The following DCC variants were observed in gnomAD, a reference collection of about 807,000 sequenced individuals.
DCC encodes the protein DCC netrin 1 receptor.
A neutral mutation model predicts 172.5 loss-of-function variants in DCC; 58 were observed. That is an observed-to-expected ratio of 0.34 (90% confidence interval 0.27 to 0.42). The LOEUF is 0.42. Ranked by LOEUF, DCC falls within the 10% of genes least tolerant of loss-of-function variation. The pLI is 1.00. For missense variants in DCC, 1,740 were observed against 1,791.0 expected (o/e 0.97, Z 0.51); for synonymous variants, 709 against 644.5 (o/e 1.10, Z -1.52).
At chr18:53,465,080 G>A (rs767123579) in intron 24 of DCC, among the ~76,000 whole-genome samples, 2 of 151,666 alleles carry the variant, frequency 1.3e-5, no homozygotes, top group Non-Finnish European at 2.9e-5. Flanking sequence ...ACATTAGATA[G>A]TGTTTTAATG....
At position 53,410,455 on chromosome 18, in the gene DCC, A is replaced by G; in HGVS notation, c.2939A>G (p.Tyr980Cys). 6.3e-7 allele frequency: 1 copy of G among 1,598,602 alleles called. No homozygotes were observed. The highest frequency in any genetic ancestry group is 8.6e-7 in the Non-Finnish European group (1 of 1,165,892). Residue 980 changes from tyrosine (Y) to cysteine (C), a missense_variant, in exon 20 of 29, where the codon TAC becomes TGC. This residue lies in a region of DCC where 1,732 missense variants were observed against 1,767.4 expected (regional missense o/e 0.98). Coordinates refer to ENST00000442544, the MANE Select transcript of DCC (RefSeq NM_005215.4). ...TCACATTTGTCTATTTATGCAGCTTACATCTTATTTTATACCTTGGACAAG... is the reference window on the plus strand; with the variant it reads ...TCACATTTGTCTATTTATGCAGCTTGCATCTTATTTTATACCTTGGACAAG... ...PLEANGKITA[Y>C]ILFYTLDKNI...
intron 2 of DCC, among the ~76,000 whole-genome samples, chr18:52,770,752 AG>A (rs2037327824): frequency 6.6e-6 from 1 of 152,228 alleles, no homozygotes; most frequent in African/African-American, 2.4e-5. Context: ...ATCAGTGTAC[AG>A]GGAAAACCTA....
intron 1 of DCC, among the ~76,000 whole-genome samples, chr18:52,401,307 C>G (rs971654173): frequency 2.6e-5 from 4 of 151,900 alleles, no homozygotes; most frequent in African/African-American, 9.7e-5. Flanking sequence ...TAGAACATAG[C>G]AGAATAACTT....
intron 1 of DCC, among the ~76,000 whole-genome samples, chr18:52,593,214 A>G (rs954111041): frequency 1.3e-5 from 2 of 152,066 alleles, no homozygotes; most frequent in African/African-American, 4.8e-5. Flanking sequence ...TCTCTGAACC[A>G]TTTTCCAACT....
At position 53,532,172 on chromosome 18, in the gene DCC, G is replaced by C. The variant is rs1323229594; in HGVS notation, c.*1519G>C. 6.6e-6 allele frequency: 1 copy of C among 152,234 alleles called. No homozygotes were observed. The highest frequency in any genetic ancestry group is 2.1e-4 in the South Asian group (1 of 4,820). 9.4% of individuals were successfully genotyped at this position (152,234 alleles called of 1,614,324 possible). A position where few individuals can be genotyped will look rare whatever the true frequency, so the allele number is the denominator to read the frequency against. ...CAGCTCTGCCTTTGATTTCAAGCTTGAGTAGGTCATAATTTTAAAAGAGCA... is the reference window on the plus strand; with the variant it reads ...CAGCTCTGCCTTTGATTTCAAGCTTCAGTAGGTCATAATTTTAAAAGAGCA... On this transcript the variant is annotated 3_prime_UTR_variant, in exon 29 of 29. Transcript: ENST00000442544.
chr18:53,529,026 TCTCTCTCTCTCTCACACACACACACA>T (rs1181296463), intron 28 of DCC, among the ~76,000 whole-genome samples: 3 of 65,122 alleles, frequency 4.6e-5, no homozygotes, highest in East Asian at 9.8e-4. Flanking sequence ...TCTCTCTCTC[TCTCTCTCTCTCTCACACACACACACA>T]CACACACACA....
intron 15 of DCC, among the ~76,000 whole-genome samples, chr18:53,381,458 A>G (rs1451228660): frequency 6.6e-6 from 1 of 152,004 alleles, no homozygotes; most frequent in African/African-American, 2.4e-5. Flanking sequence ...ATTAAGTAGA[A>G]CATTCTTTGA....
intron 9 of DCC, among the ~76,000 whole-genome samples, chr18:53,194,161 T>C (rs1220141530): frequency 6.6e-6 from 1 of 152,134 alleles, no homozygotes; most frequent in African/African-American, 2.4e-5. Context: ...ACTGAGATTT[T>C]TGCATGCAGA....
At chr18:52,432,021 AT>A (rs1391655892) in intron 1 of DCC, among the ~76,000 whole-genome samples, 1 of 151,894 alleles carries the variant, frequency 6.6e-6, no homozygotes, top group Non-Finnish European at 1.5e-5. Flanking sequence ...TCTTCCTCCT[AT>A]TTTATCTCTA....
chr18:53,151,278 T>G (rs2043992538), intron 7 of DCC, among the ~76,000 whole-genome samples: 1 of 152,212 alleles, frequency 6.6e-6, no homozygotes, highest in Non-Finnish European at 1.5e-5. Context: ...TTCTAATGTC[T>G]AAATAACTTT....
At chr18:53,504,059 A>G (rs1288359866) in intron 27 of DCC, among the ~76,000 whole-genome samples, 1 of 152,184 alleles carries the variant, frequency 6.6e-6, no homozygotes, top group Non-Finnish European at 1.5e-5. Flanking sequence ...GAGGGGGTGG[A>G]GGTGGCTGAC....
chr18:52,653,298 G>A (rs554082241), intron 1 of DCC, among the ~76,000 whole-genome samples: 1 of 152,256 alleles, frequency 6.6e-6, no homozygotes, highest in South Asian at 2.1e-4. Context: ...TTAAAGATTA[G>A]AAATAATTCA....
intron 1 of DCC, among the ~76,000 whole-genome samples, chr18:52,344,059 CT>C (rs1983775709): frequency 6.6e-6 from 1 of 152,234 alleles, no homozygotes; most frequent in South Asian, 2.1e-4. Context: ...AGTGCCTTTG[CT>C]TTAATGCTCT....
chr18:53,212,987 A>C (rs1404186256), intron 11 of DCC, among the ~76,000 whole-genome samples: 1 of 152,064 alleles, frequency 6.6e-6, no homozygotes, highest in African/African-American at 2.4e-5. Flanking sequence ...TTCAATTCTT[A>C]ATACAGAAAA....
At chr18:53,496,709 A>G (rs1045854571) in intron 26 of DCC, among the ~76,000 whole-genome samples, 1 of 152,214 alleles carries the variant, frequency 6.6e-6, no homozygotes, top group Non-Finnish European at 1.5e-5. Context: ...GCTCTAACCC[A>G]ATGCACGGAA....
chr18:53,066,457 G>A (rs2042572679), intron 7 of DCC, among the ~76,000 whole-genome samples: 1 of 143,838 alleles, frequency 7.0e-6, no homozygotes, highest in Admixed American at 7.1e-5. Context: ...TCTCCAATGA[G>A]ATAAAGTCAT....
intron 21 of DCC, among the ~76,000 whole-genome samples, chr18:53,424,992 T>C (rs1023022121): frequency 6.6e-6 from 1 of 152,106 alleles, no homozygotes; most frequent in Non-Finnish European, 1.5e-5. Context: ...TTGCTGATAT[T>C]GATCATTTCC....
At chr18:52,426,959 C>T (rs1987449178) in intron 1 of DCC, among the ~76,000 whole-genome samples, 1 of 152,100 alleles carries the variant, frequency 6.6e-6, no homozygotes, top group Non-Finnish European at 1.5e-5. Context: ...CAAATCCTGA[C>T]AATAGTTCTA....
intron 5 of DCC, among the ~76,000 whole-genome samples, chr18:53,058,489 A>G (rs1378935895): frequency 6.6e-6 from 1 of 152,110 alleles, no homozygotes; most frequent in African/African-American, 2.4e-5. Flanking sequence ...ATTTGTGTTG[A>G]GAATATAGGA....
Sources: gnomAD v4.1 joint callset for allele counts (sites outside exome capture counted in the v4.1 genomes callset) on GRCh38, gnomAD v4.1.1 for gene constraint, gnomAD v4.1.1 regional missense constraint, MANE v1.5 for transcripts, NCBI Gene and HGNC (gene_info 2026-07-23, HGNC 2026-07-21) for gene names.